SLC48A1: variants seen among roughly 807,000 people sequenced by gnomAD.
The protein encoded by SLC48A1 is solute carrier family 48 member 1, also known as heme transporter HRG1.
SLC48A1 carries 6 observed loss-of-function variants against 14.8 expected under a neutral mutation model. The observed-to-expected ratio is 0.41, with a 90% CI of 0.22 to 0.80. The LOEUF (loss-of-function observed/expected upper bound fraction) is 0.80, where lower values mean the gene tolerates loss of function less well. SLC48A1 is among the 30% of genes least tolerant of loss of function. SLC48A1 has a pLI of 0.34. For missense variants in SLC48A1, 165 were observed against 204.8 expected (o/e 0.81, Z 1.19); for synonymous variants, 89 against 90.0 (o/e 0.99, Z 0.06).
At chr12:47,779,844 T>C (rs1942829166) in intron 2 of SLC48A1, among the ~76,000 whole-genome samples, 1 of 152,224 alleles carries the variant, frequency 6.6e-6, no homozygotes, top group African/African-American at 2.4e-5. Context: ...GTGAGGCGCA[T>C]GCGAGGGTTG....
intron 1 of SLC48A1, among the ~76,000 whole-genome samples, chr12:47,773,670 G>C: frequency 6.7e-6 from 1 of 150,092 alleles, no homozygotes; most frequent in East Asian, 2.0e-4. Context: ...GGTGCCGACG[G>C]CCCGCCACTG....
chr12:47,758,088 G>T, upstream of SLC48A1: 1 of 1,555,872 alleles, frequency 6.4e-7, no homozygotes, highest in East Asian at 2.4e-5. Context: ...CCTGTGACAC[G>T]GGGAGGAAAG....
chr12:47,758,719 A>C, intron 1 of SLC48A1: 1 of 1,230,606 alleles, frequency 8.1e-7, no homozygotes, highest in Non-Finnish European at 1.0e-6. Context: ...CCAGGGCAGC[A>C]GGATGCAGGG....
At chr12:47,773,641 C>T (rs1942675917) in intron 1 of SLC48A1, among the ~76,000 whole-genome samples, 1 of 151,780 alleles carries the variant, frequency 6.6e-6, no homozygotes, top group Non-Finnish European at 1.5e-5. Flanking sequence ...ACCCGATGCC[C>T]GCCCGGGCGC....
intron 2 of SLC48A1, among the ~76,000 whole-genome samples, chr12:47,764,481 G>C (rs1037710752): frequency 6.6e-6 from 1 of 152,172 alleles, no homozygotes; most frequent in African/African-American, 2.4e-5. Context: ...GTCTTGGTAG[G>C]GGCGACTGCA....
In SLC48A1 at chr12:47,758,800, G is replaced by T. The variant is rs945310199; in HGVS notation, c.-373+140G>T. Reference sequence around the variant, plus strand: ...GGTGGGGGGACGCCACCCAGCCACCGGCGACAGGGAGCCCCGAGCCTGCGC... The same window carrying T: ...GGTGGGGGGACGCCACCCAGCCACCTGCGACAGGGAGCCCCGAGCCTGCGC... On this transcript the variant is annotated intron_variant, in intron 1 of 4. Coordinates refer to the SLC48A1 transcript ENST00000547002. The T allele has an allele frequency of 3.2e-6, 4 of 1,236,240 alleles. No homozygotes were observed. In the East Asian group the frequency reaches 1.3e-4, roughly 40 times the overall value. The allele number at this position is 1,236,240 out of a possible 1,614,324, so 76.6% of individuals were successfully genotyped here. A position where few individuals can be genotyped will look rare whatever the true frequency, so the allele number is the denominator to read the frequency against.
chr12:47,760,385 C>T, exon 2 of SLC48A1: 1 of 985,436 alleles, frequency 1.0e-6, no homozygotes, highest in Non-Finnish European at 1.2e-6. Flanking sequence ...GAAAGGATGA[C>T]AAGTTGGGAG....
chr12:47,780,034 C>T, intron 2 of SLC48A1, 111 bp from the exon 3 acceptor site: 1 of 1,340,004 alleles, frequency 7.5e-7, no homozygotes, highest in Non-Finnish European at 1.0e-6. Context: ...GGTTCAGCTG[C>T]CAGGACGTTG....
rs1012726416 is a variant in SLC48A1 at position 47,777,405 on chromosome 12, T to C, written c.137-1623T>C. ...CAGGGGCTGAGGGAAGCTGTAGGCTTGGTAGGCCTTCACCCTCACTAGGGT... is the reference window on the plus strand; with the variant it reads ...CAGGGGCTGAGGGAAGCTGTAGGCTCGGTAGGCCTTCACCCTCACTAGGGT... On this transcript the variant is annotated intron_variant, in intron 1 of 2. Transcript: ENST00000442218. This position sits in a 1 kb window ranked among gnomAD's most constrained non-coding sequence, Gnocchi z 4.5. Among the ~76,000 whole-genome samples, 7 of 152,180 alleles carry C rather than the reference T, an allele frequency of 4.6e-5. No homozygotes were observed. Among genetic ancestry groups the C allele is most frequent in the African/African-American group, 1.7e-4 (7 of 41,448 alleles).
upstream of SLC48A1, chr12:47,773,196 G>C (rs967460590): frequency 2.5e-4 from 250 of 1,010,096 alleles, no homozygotes; most frequent in Non-Finnish European, 2.9e-4. Flanking sequence ...GGCGGAGCGC[G>C]GGGCGCCGGC....
rs777784689 is a variant in SLC48A1 at position 47,773,282 on chromosome 12, G to C, written c.-23G>C. 1 of 1,396,404 alleles carries C rather than the reference G, an allele frequency of 7.2e-7. No homozygotes were observed. The highest frequency in any genetic ancestry group is 9.3e-7 in the Non-Finnish European group (1 of 1,070,698). 86.5% of individuals were successfully genotyped at this position (1,396,404 alleles called of 1,614,324 possible). On this transcript the variant is annotated 5_prime_UTR_variant, in exon 1 of 3. Coordinates refer to ENST00000442218, the MANE Select transcript of SLC48A1 (RefSeq NM_017842.3). ...GTGACTCTCGGCCGCGCTCGCCCTC[G>C]GCCCGCCCGGCGCCGCAGCCCCATG...
chr12:47,776,160 C>A (rs1375533641), intron 1 of SLC48A1, among the ~76,000 whole-genome samples: 1 of 152,192 alleles, frequency 6.6e-6, no homozygotes, highest in African/African-American at 2.4e-5. Context: ...CCTGTGGGAT[C>A]CCCCGGGTGT....
chr12:47,765,830 C>T (rs902407598), intron 2 of SLC48A1, among the ~76,000 whole-genome samples: 1 of 152,232 alleles, frequency 6.6e-6, no homozygotes, highest in Non-Finnish European at 1.5e-5. Context: ...GTGGTCAGTG[C>T]CTTATACAGA....
In SLC48A1 at chr12:47,777,941, G is replaced by GT. The variant is rs1942786811; in HGVS notation, c.137-1086dup. On this transcript the variant is annotated intron_variant, in intron 1 of 2. Coordinates refer to ENST00000442218, the MANE Select transcript of SLC48A1 (RefSeq NM_017842.3). The surrounding 1 kb of genome is among the most constrained non-coding windows in gnomAD (Gnocchi z 4.5). Reference sequence around the variant, plus strand: ...TGTGCACATTTGGTAACTACTCTGAGTGGCATGTGTGCAGCTGCCTTTTGG... The same window carrying GT: ...TGTGCACATTTGGTAACTACTCTGAGTTGGCATGTGTGCAGCTGCCTTTTGG... Among the ~76,000 whole-genome samples, 1 of 152,098 alleles carries GT rather than the reference G, an allele frequency of 6.6e-6. No homozygotes were observed. Among genetic ancestry groups the GT allele is most frequent in the Admixed American group, 6.5e-5 (1 of 15,286 alleles).
upstream of SLC48A1, among the ~76,000 whole-genome samples, chr12:47,767,920 A>G (rs1942550312): frequency 6.6e-6 from 1 of 152,242 alleles, no homozygotes; most frequent in Non-Finnish European, 1.5e-5. Context: ...TATGGAAGCT[A>G]CTGGAGTGAT....
chr12:47,771,043 G>A, upstream of SLC48A1: 1 of 410,680 alleles, frequency 2.4e-6, no homozygotes, highest in Admixed American at 2.7e-5. Context: ...CTAAAGGAGG[G>A]CTGCTGCTGA....
Position 47,781,043 on chromosome 12 carries a change from A to G in SLC48A1, c.*762A>G, listed in dbSNP as rs1385930203. 3 of 404,160 alleles carry G rather than the reference A, an allele frequency of 7.4e-6. No homozygotes were observed. The highest frequency in any genetic ancestry group is 1.5e-5 in the Non-Finnish European group (3 of 203,794). 25.0% of individuals were successfully genotyped at this position (404,160 alleles called of 1,614,324 possible). On this transcript the variant is annotated 3_prime_UTR_variant, in exon 3 of 3. Transcript: ENST00000442218. ...GCCAGGTTGGGCACCTGGGGAGGTC[A>G]GTTCAGAAATATCTAGCAGAGACCT...
At chr12:47,779,336 G>A (rs1332323746) in intron 2 of SLC48A1, 141 bp downstream of exon 2, 3 of 1,253,614 alleles carry the variant, frequency 2.4e-6, no homozygotes, top group South Asian at 1.6e-5. Flanking sequence ...TTTTGTTATG[G>A]TTCATGTGGA....
chr12:47,779,134 C>T lies in SLC48A1; in HGVS notation c.243C>T (p.Phe81=), dbSNP rs1942810859. 6.4e-7 allele frequency: 1 copy of T among 1,551,792 alleles called. No individual in the cohort carries two copies. The highest frequency in any genetic ancestry group is 1.4e-5 in the African/African-American group (1 of 73,050). Residue 81 remains phenylalanine (F), a synonymous_variant, in exon 2 of 3, where the codon TTC becomes TTT. Coordinates refer to ENST00000442218, the MANE Select transcript of SLC48A1 (RefSeq NM_017842.3). ...LRGFFFVGVL[F]SAVSIAAFCT... ...GCTTCTTCTTCGTGGGCGTCCTCTT[C>T]TCGGCCGTCTCCATCGCTGCCTTCT...
Sources: gnomAD v4.1 joint callset for allele counts (sites outside exome capture counted in the v4.1 genomes callset) on GRCh38, gnomAD v4.1.1 for gene constraint, Gnocchi (gnomAD v3.1) non-coding constraint, MANE v1.5 for transcripts, NCBI Gene and HGNC (gene_info 2026-07-23, HGNC 2026-07-21) for gene names.